Variants in ARMC9 observed in about 807,000 individuals in gnomAD.
ARMC9 encodes lisH domain-containing protein ARMC9.
ARMC9 carries 94 observed loss-of-function variants against 107.0 expected under a neutral mutation model. The observed-to-expected ratio is 0.88, with a 90% confidence interval of 0.74 to 1.04. The LOEUF (loss-of-function observed/expected upper bound fraction) is 1.04. ARMC9 is among the 50% of genes least tolerant of loss of function. The probability of loss-of-function intolerance (pLI) is 0.00; values close to 1 mark genes in which losing one functional copy is unlikely to be tolerated. For missense variants in ARMC9, 942 were observed against 1,030.1 expected (o/e 0.91, Z 1.17); for synonymous variants, 380 against 396.9 (o/e 0.96, Z 0.51).
At chr2:231,239,609 A>G (rs2036095682) in intron 8 of ARMC9, among the ~76,000 whole-genome samples, 1 of 152,198 alleles carries the variant, frequency 6.6e-6, no homozygotes, top group African/African-American at 2.4e-5. Context: ...ATGGTTGTCC[A>G]GTGACTTTGT....
intron 6 of ARMC9, 40 bp from the exon 7 acceptor site, chr2:231,226,734 C>T (rs1435368792): frequency 6.2e-7 from 1 of 1,607,216 alleles, no homozygotes; most frequent in Non-Finnish European, 8.5e-7. Flanking sequence ...AAGTACCGTT[C>T]CCTGAATGCC....
intron 5 of ARMC9, among the ~76,000 whole-genome samples, 163 bp from the exon 6 acceptor site, chr2:231,222,565 G>A (rs181013344): frequency 2.6e-5 from 4 of 152,166 alleles, no homozygotes; most frequent in African/African-American, 9.6e-5. Context: ...TAAATGAGTT[G>A]GTCAGATGTC....
chr2:231,372,760 GTGTATGAA>G lies in ARMC9; in HGVS notation c.*1226_*1233del. On this transcript the variant is annotated 3_prime_UTR_variant, in exon 25 of 25. Coordinates refer to ENST00000611582, the MANE Select transcript of ARMC9 (RefSeq NM_001352754.2). ...TGTGTGTGTGTGTGTGTGTGTATGA[GTGTATGAA>G]GGGAAATGGAAAGCAGAGAAAAGTC... is the stretch of plus-strand genomic sequence containing the variant. 1 of 102,608 alleles carries G rather than the reference GTGTATGAA, an allele frequency of 9.7e-6. No homozygotes were observed. Among genetic ancestry groups the G allele is most frequent in the Admixed American group, 8.6e-5 (1 of 11,654 alleles). The allele number at this position is 102,608 out of a possible 1,614,324, so 6.4% of individuals were successfully genotyped here. A position where few individuals can be genotyped will look rare whatever the true frequency, so the allele number is the denominator to read the frequency against.
At chr2:231,350,631 A>G (rs1439340159) in intron 21 of ARMC9, among the ~76,000 whole-genome samples, 1 of 144,088 alleles carries the variant, frequency 6.9e-6, no homozygotes, top group Non-Finnish European at 1.5e-5. Context: ...TCAAAAAAAA[A>G]AAAAGAAAAA....
chr2:231,269,764 G>A (rs907882813), intron 12 of ARMC9, among the ~76,000 whole-genome samples: 5 of 151,984 alleles, frequency 3.3e-5, no homozygotes, highest in African/African-American at 1.2e-4. Flanking sequence ...TTGTTTCATG[G>A]ATATAATACA....
At chr2:231,344,794 A>G (rs944521365) in intron 20 of ARMC9, among the ~76,000 whole-genome samples, 181 bp from the exon 21 acceptor site, 1 of 152,230 alleles carries the variant, frequency 6.6e-6, no homozygotes, top group Non-Finnish European at 1.5e-5. Context: ...ACCGTTAGCA[A>G]AAAAAGGGTT....
At chr2:231,361,133 T>A (rs2045560240) in intron 23 of ARMC9, among the ~76,000 whole-genome samples, 1 of 152,150 alleles carries the variant, frequency 6.6e-6, no homozygotes, top group South Asian at 2.1e-4. Flanking sequence ...AGCATGCCCA[T>A]GGGACTAGTT....
chr2:231,212,367 T>C (rs1253951027), intron 3 of ARMC9, among the ~76,000 whole-genome samples: 6 of 152,222 alleles, frequency 3.9e-5, no homozygotes, highest in East Asian at 1.9e-4. Flanking sequence ...GGAAGAATGA[T>C]AGATGTGATT....
At chr2:231,341,385 G>A (rs2044490687) in intron 20 of ARMC9, among the ~76,000 whole-genome samples, 1 of 152,160 alleles carries the variant, frequency 6.6e-6, no homozygotes, top group Non-Finnish European at 1.5e-5. Context: ...TGCCCCTACA[G>A]TGCTTTCCTG....
chr2:231,277,634 A>G (rs1330864474), intron 15 of ARMC9, among the ~76,000 whole-genome samples: 2 of 149,256 alleles, frequency 1.3e-5, no homozygotes, highest in Non-Finnish European at 3.0e-5. Flanking sequence ...ATCTTGGCTC[A>G]GTGGTGCAAC....
intron 14 of ARMC9, among the ~76,000 whole-genome samples, chr2:231,273,914 C>T (rs2039550443): frequency 6.6e-6 from 1 of 152,112 alleles, no homozygotes; most frequent in Admixed American, 6.5e-5. Flanking sequence ...CATTCCTACC[C>T]CCAGTCCCCG....
intron 3 of ARMC9, among the ~76,000 whole-genome samples, chr2:231,208,968 C>A (rs190067366): frequency 6.6e-6 from 1 of 152,060 alleles, no homozygotes; most frequent in Non-Finnish European, 1.5e-5. Flanking sequence ...GTGGTACGAT[C>A]TCGGCTCATC....
At chr2:231,269,398 C>CTTTTTTTTTT (rs773618086) in intron 12 of ARMC9, among the ~76,000 whole-genome samples, 13 of 112,370 alleles carry the variant, frequency 1.2e-4, no homozygotes, top group African/African-American at 3.5e-4. Flanking sequence ...TTTTCTTCTT[C>CTTTTTTTTTT]TTTTTTTTTT....
In ARMC9 at chr2:231,360,887, AG is replaced by A; in HGVS notation, c.2261+9del. 2 of 1,524,678 alleles carry A rather than the reference AG, an allele frequency of 1.3e-6. No homozygotes were observed. The highest frequency in any genetic ancestry group is 2.4e-5 in the South Asian group (2 of 82,704). 94.4% of individuals were successfully genotyped at this position (1,524,678 alleles called of 1,614,324 possible). On this transcript the variant is annotated splice_donor_5th_base_variant and intron_variant, in intron 23 of 24. Coordinates refer to ENST00000611582, the MANE Select transcript of ARMC9 (RefSeq NM_001352754.2). The surrounding 1 kb of genome is among the most constrained non-coding windows in gnomAD (Gnocchi z 4.7). The stretch of plus-strand genomic sequence containing the variant: ...CAGGCAATGGAGTGACCACCAGGTA[AG>A]GGGGATATCACAAGGCCTCGAACCT...
At chr2:231,232,744 C>T (rs1262486875) in intron 7 of ARMC9, among the ~76,000 whole-genome samples, 1 of 151,866 alleles carries the variant, frequency 6.6e-6, no homozygotes, top group Non-Finnish European at 1.5e-5. Flanking sequence ...AGCCACTGCG[C>T]CCGGCCTTTG....
At chr2:231,233,839 A>G (rs1267399452) in intron 7 of ARMC9, among the ~76,000 whole-genome samples, 1 of 152,004 alleles carries the variant, frequency 6.6e-6, no homozygotes, top group Non-Finnish European at 1.5e-5. Flanking sequence ...ACCCCTTTCC[A>G]TGAAATGAAA....
chr2:231,333,023 A>G (rs1392543090), intron 20 of ARMC9, among the ~76,000 whole-genome samples: 1 of 152,188 alleles, frequency 6.6e-6, no homozygotes, highest in Non-Finnish European at 1.5e-5. Context: ...TTATGGGAGC[A>G]GGTGGAAGCA....
intron 17 of ARMC9, among the ~76,000 whole-genome samples, chr2:231,287,041 C>T (rs989549677): frequency 6.6e-6 from 1 of 152,228 alleles, no homozygotes; most frequent in African/African-American, 2.4e-5. Context: ...CAACAAACAT[C>T]CTGCCCAGGG....
At chr2:231,345,112 C>A (rs202091151) in intron 21 of ARMC9, 22 bp downstream of exon 21, 1 of 1,607,742 alleles carries the variant, frequency 6.2e-7, no homozygotes. Context: ...CTAAAGGAAG[C>A]GGGAATTGAC....
Sources: gnomAD v4.1 joint callset for allele counts (sites outside exome capture counted in the v4.1 genomes callset) on GRCh38, gnomAD v4.1.1 for gene constraint, Gnocchi (gnomAD v3.1) non-coding constraint, MANE v1.5 for transcripts, NCBI Gene and HGNC (gene_info 2026-07-23, HGNC 2026-07-21) for gene names.